The following ITGA9 variants were observed in gnomAD, a reference collection of about 807,000 sequenced individuals.
ITGA9 encodes integrin alpha-9.
In ITGA9, 56 loss-of-function variants were observed where a neutral mutation model predicts 127.8. That is an observed-to-expected ratio of 0.44 (90% CI 0.35 to 0.55). The LOEUF (loss-of-function observed/expected upper bound fraction) is 0.55, where lower values mean the gene tolerates loss of function less well. Ranked by LOEUF, ITGA9 falls within the 20% of genes least tolerant of loss-of-function variation. The probability of loss-of-function intolerance (pLI) is 0.00; values close to 1 mark genes in which losing one functional copy is unlikely to be tolerated. For missense variants in ITGA9, 1,196 were observed against 1,347.1 expected, an observed-to-expected ratio of 0.89 and a Z score of 1.76; for synonymous variants, 508 against 514.5, an observed-to-expected ratio of 0.99 and a Z score of 0.17.
At position 37,800,654 on chromosome 3, in the gene ITGA9, T is replaced by G. The variant is rs1697226098; in HGVS notation, c.2890-3169T>G. On this transcript the variant is annotated intron_variant, in intron 26 of 27. Coordinates refer to ENST00000264741, the MANE Select transcript of ITGA9 (RefSeq NM_002207.3). ...GGATGACAGACTTCAGAGCCCACTC[T>G]GTCCTACCACCTCCTACCAGTAAAT... is the stretch of plus-strand genomic sequence containing the variant. Among the ~76,000 whole-genome samples, 3 of 152,250 alleles carry G rather than the reference T, an allele frequency of 2.0e-5. No homozygotes were observed. In the South Asian group the frequency reaches 6.2e-4, roughly 31 times the overall value.
At chr3:37,479,419 C>G (rs142024465) in intron 3 of ITGA9, among the ~76,000 whole-genome samples, 66 of 152,330 alleles carry the variant, frequency 4.3e-4, no homozygotes, top group African/African-American at 1.4e-3. Context: ...TTTTGAGAGT[C>G]ATTCTGAGTG....
intron 23 of ITGA9, among the ~76,000 whole-genome samples, chr3:37,770,498 T>C (rs1575229804): frequency 6.6e-6 from 1 of 152,170 alleles, no homozygotes; most frequent in African/African-American, 2.4e-5. Context: ...TAGAAGTGCC[T>C]GACTGAGCCT....
intron 26 of ITGA9, among the ~76,000 whole-genome samples, chr3:37,786,311 C>T (rs1330195891): frequency 2.0e-5 from 3 of 152,174 alleles, no homozygotes; most frequent in African/African-American, 7.2e-5. Flanking sequence ...GGGGTTCAAA[C>T]CAAAGACTAC....
Position 37,799,021 on chromosome 3 carries a change from C to T in ITGA9, c.2890-4802C>T, listed in dbSNP as rs191632037. On this transcript the variant is annotated intron_variant, in intron 26 of 27. Transcript: ENST00000264741. This position sits in a 1 kb window ranked among gnomAD's most constrained non-coding sequence, Gnocchi z 4.0. ...ACTTATCTATTGCCCTAATGTTAGA[C>T]ACTTAGGATATTGCTAATTTAGTAC... Among the ~76,000 whole-genome samples, 81 of 152,248 alleles carry T rather than the reference C, an allele frequency of 5.3e-4. No individual in the cohort carries two copies. Among genetic ancestry groups the T allele is most frequent in the Non-Finnish European group, 8.4e-4 (57 of 68,030 alleles).
rs138971399 is a variant in ITGA9 at position 37,533,448 on chromosome 3, A to G, written c.1508A>G (p.Lys503Arg). The G allele has an allele frequency of 3.7e-6, 6 of 1,614,054 alleles. No homozygotes were observed. Among genetic ancestry groups the G allele is most frequent in the African/African-American group, 2.7e-5 (2 of 74,936 alleles). ...NVTTCFSFHG[K>R]HVPGEIGLNY... is the part of the protein sequence containing the mutation. ...ACCACCTGCTTCAGCTTCCATGGCA[A>G]ACACGTTCCAGGAGAGATTGGTAAT... The change falls in exon 14 of 28, where the codon AAA becomes AGA. Residue 503 changes from lysine to arginine, a missense_variant. Lys to Arg is a conservative substitution (Grantham distance 26). Transcript: ENST00000264741.
intron 4 of ITGA9, among the ~76,000 whole-genome samples, chr3:37,485,278 G>A (rs1698597412): frequency 6.6e-6 from 1 of 152,160 alleles, no homozygotes; most frequent in Admixed American, 6.5e-5. Flanking sequence ...GGAAGAGAGG[G>A]ATGGTGGAAA....
chr3:37,664,701 C>T (rs905840625), intron 17 of ITGA9, among the ~76,000 whole-genome samples: 7 of 151,442 alleles, frequency 4.6e-5, no homozygotes, highest in African/African-American at 1.5e-4. Flanking sequence ...CGCGCCTGGC[C>T]GAGTCAGCAC....
At chr3:37,817,797 C>A (rs189091712) in intron 27 of ITGA9, among the ~76,000 whole-genome samples, 1 of 152,222 alleles carries the variant, frequency 6.6e-6, no homozygotes, top group East Asian at 1.9e-4. Context: ...ACTTGTCTTA[C>A]CATATGTGAA....
intron 9 of ITGA9, among the ~76,000 whole-genome samples, 182 bp downstream of exon 9, chr3:37,514,082 T>C (rs935336507): frequency 2.0e-5 from 3 of 152,174 alleles, no homozygotes; most frequent in Admixed American, 6.5e-5. Context: ...TATACAATGT[T>C]ACAACTGCAG....
chr3:37,768,492 G>A (rs1696804551), intron 23 of ITGA9, among the ~76,000 whole-genome samples: 1 of 152,202 alleles, frequency 6.6e-6, no homozygotes, highest in African/African-American at 2.4e-5. Context: ...ATGGGTAATT[G>A]AATTAGCAAA....
intron 16 of ITGA9, among the ~76,000 whole-genome samples, chr3:37,635,298 G>A (rs1345956808): frequency 2.0e-5 from 3 of 152,106 alleles, no homozygotes; most frequent in African/African-American, 7.2e-5. Flanking sequence ...TTATAATTAA[G>A]CCAAAATCAG....
intron 18 of ITGA9, among the ~76,000 whole-genome samples, chr3:37,730,898 G>A (rs1471527785): frequency 1.3e-5 from 2 of 152,188 alleles, no homozygotes; most frequent in South Asian, 2.1e-4. Context: ...TACGTGCCAC[G>A]GGGCAGGGGT....
Position 37,780,024 on chromosome 3 carries a change from A to G in ITGA9, c.2787+3A>G. On this transcript the variant is annotated splice_donor_region_variant and intron_variant, in intron 25 of 27. Coordinates refer to ENST00000264741, the MANE Select transcript of ITGA9 (RefSeq NM_002207.3). ...TGAACACAGAAATACTGAAAAAGGT[A>G]AGCCCTAATGAACCGCACTTGTGGA... The G allele has an allele frequency of 1.2e-6, 2 of 1,613,924 alleles. No individual in the cohort carries two copies. Among genetic ancestry groups the G allele is most frequent in the Non-Finnish European group, 1.7e-6 (2 of 1,179,912 alleles).
chr3:37,667,130 G>T (rs1157611165), intron 17 of ITGA9, among the ~76,000 whole-genome samples: 1 of 152,082 alleles, frequency 6.6e-6, no homozygotes, highest in African/African-American at 2.4e-5. Context: ...TCCTGTACCC[G>T]CTTTCTTAAA....
At chr3:37,753,423 A>G (rs1696613530) in intron 23 of ITGA9, among the ~76,000 whole-genome samples, 1 of 152,210 alleles carries the variant, frequency 6.6e-6, no homozygotes, top group Non-Finnish European at 1.5e-5. Context: ...TTCACAAAGG[A>G]ACCTCTTCAA....
intron 16 of ITGA9, among the ~76,000 whole-genome samples, chr3:37,637,914 C>G (rs372339336): frequency 2.0e-4 from 31 of 152,178 alleles, no homozygotes; most frequent in African/African-American, 7.2e-4. Flanking sequence ...CTCAGGTGAT[C>G]TGTCCGCCTT....
At chr3:37,579,160 A>G (rs913499078) in intron 15 of ITGA9, among the ~76,000 whole-genome samples, 1 of 152,090 alleles carries the variant, frequency 6.6e-6, no homozygotes, top group Non-Finnish European at 1.5e-5. Flanking sequence ...CTCCTCTCCT[A>G]ATGGTCACAT....
chr3:37,607,067 C>T (rs1213750585), intron 15 of ITGA9, among the ~76,000 whole-genome samples: 3 of 149,972 alleles, frequency 2.0e-5, no homozygotes, highest in East Asian at 2.0e-4. Context: ...ACTGTAACCT[C>T]GAACTCCAGG....
chr3:37,622,743 G>A (rs1242108305), intron 15 of ITGA9, among the ~76,000 whole-genome samples: 1 of 151,982 alleles, frequency 6.6e-6, no homozygotes, highest in Non-Finnish European at 1.5e-5. Context: ...TACTCTGGAG[G>A]CTGGGGCAGG....
Sources: allele counts gnomAD v4.1 joint callset (sites outside exome capture counted in the v4.1 genomes callset), GRCh38; gene constraint gnomAD v4.1.1; non-coding constraint Gnocchi (gnomAD v3.1); transcripts MANE v1.5; gene names NCBI Gene and HGNC (gene_info 2026-07-23, HGNC 2026-07-21).